The following POLL variants were observed in gnomAD, a reference collection of about 807,000 sequenced individuals.
The protein encoded by POLL is DNA polymerase beta-2.
POLL carries 44 observed loss-of-function variants against 58.1 expected under a neutral mutation model. That is an observed-to-expected ratio of 0.76 (90% CI 0.60 to 0.97). The LOEUF is 0.97. Ranked by LOEUF, POLL falls within the 50% of genes least tolerant of loss-of-function variation. The pLI, the probability that POLL is intolerant of heterozygous loss-of-function variation, is 0.00. For synonymous variants in POLL, 290 were observed against 283.2 expected (o/e 1.02, Z -0.24); for missense variants, 632 against 736.8 (o/e 0.86, Z 1.65).
rs1207812742 is a variant in POLL at position 101,587,949 on chromosome 10, C to A, written c.-174G>T. ...GCCGCAGCTGCGGGGAGATGGGGCA[C>A]GGCCGCAGCAGGTGTGGGGAGCCCT... On this transcript the variant is annotated 5_prime_UTR_variant, in exon 1 of 9. Coordinates refer to ENST00000370162, the MANE Select transcript of POLL (RefSeq NM_001174084.2). 4 of 1,248,418 alleles carry A rather than the reference C, an allele frequency of 3.2e-6. No individual in the cohort carries two copies. The highest frequency in any genetic ancestry group is 4.1e-6 in the Non-Finnish European group (4 of 968,906). The allele number at this position is 1,248,418 out of a possible 1,614,324, so 77.3% of individuals were successfully genotyped here.
chr10:101,588,179 G>A lies in POLL; in HGVS notation c.-404C>T, dbSNP rs551466862. The A allele has an allele frequency of 1.2e-5, 18 of 1,527,206 alleles. No homozygotes were observed. In the East Asian group the frequency reaches 4.2e-4, roughly 36 times the overall value. The allele number at this position is 1,527,206 out of a possible 1,614,324, so 94.6% of individuals were successfully genotyped here. On this transcript the variant is annotated 5_prime_UTR_variant, in exon 1 of 9. Transcript: ENST00000370162. ...ACTACTGGCCAAGCTAGTCACCCGGGGGTGGGCAGGAATAGACCACTTACC... is the reference window on the plus strand; with the variant it reads ...ACTACTGGCCAAGCTAGTCACCCGGAGGTGGGCAGGAATAGACCACTTACC...
Position 101,580,369 on chromosome 10 carries a change from T to C in POLL, c.1242A>G (p.Ala414=). The change falls in exon 8 of 9, where the codon GCA becomes GCG. Residue 414 remains alanine (A), a synonymous_variant. Transcript: ENST00000370162. The surrounding 1 kb of genome is among the most constrained non-coding windows in gnomAD (Gnocchi z 4.1). ...CCTTTCCCCGTCGGTATGAACCACATGCCACACACAGCAGCCCAGAGTTAA... is the reference window on the plus strand; with the variant it reads ...CCTTTCCCCGTCGGTATGAACCACACGCCACACACAGCAGCCCAGAGTTAA... ...QAFNSGLLCV[A]CGSYRRGKAT... 6.2e-7 allele frequency: 1 copy of C among 1,613,986 alleles called. No individual in the cohort carries two copies. Among genetic ancestry groups the C allele is most frequent in the Non-Finnish European group, 8.5e-7 (1 of 1,179,984 alleles).
rs1157899661 is a variant in POLL, at chr10:101,585,313, G to A, written c.573+3C>T. 1 of 1,549,568 alleles carries A rather than the reference G, an allele frequency of 6.5e-7. No homozygotes were observed. Among genetic ancestry groups the A allele is most frequent in the African/African-American group, 1.4e-5 (1 of 72,936 alleles). On this transcript the variant is annotated splice_donor_region_variant and intron_variant, in intron 4 of 8. Transcript: ENST00000370162. ...GAGTTCTGAGGGATGGGAGGCTCCT[G>A]ACCTGGGCTTGGGTGTTTGGTGCCT...
intron 6 of POLL, chr10:101,583,281 C>T: frequency 1.7e-6 from 1 of 599,390 alleles, no homozygotes; most frequent in Non-Finnish European, 3.0e-6. Context: ...GAGAAACATA[C>T]TTCTTGTCCC....
chr10:101,583,052 A>C (rs2063093389), intron 6 of POLL, 161 bp from the exon 7 acceptor site: 2 of 755,070 alleles, frequency 2.6e-6, no homozygotes, highest in Non-Finnish European at 4.7e-6. Context: ...GGACTTGGGA[A>C]AGGCAGGGAG....
At position 101,582,763 on chromosome 10, in the gene POLL, T is replaced by G; in HGVS notation, c.1194A>C (p.Thr398=). The change falls in exon 7 of 9, where the codon ACA becomes ACC. Residue 398 remains threonine, a splice_region_variant and synonymous_variant. Transcript: ENST00000370162. ...TCACTGCTCTGGGACACCTGCTTAC[T>G]GTCTGCTCAATCTCTGTAGCCTCCT... ...PREEATEIEQ[T]VQKAAQAFNS... 1 of 1,613,906 alleles carries G rather than the reference T, an allele frequency of 6.2e-7. No homozygotes were observed. The highest frequency in any genetic ancestry group is 8.5e-7 in the Non-Finnish European group (1 of 1,179,740).
Position 101,588,172 on chromosome 10 carries a change from C to A in POLL, c.-397G>T. ...GGGGTCGACTACTGGCCAAGCTAGT[C>A]ACCCGGGGGTGGGCAGGAATAGACC... On this transcript the variant is annotated 5_prime_UTR_variant, in exon 1 of 9. Coordinates refer to ENST00000370162, the MANE Select transcript of POLL (RefSeq NM_001174084.2). 6.6e-7 allele frequency: 1 copy of A among 1,524,464 alleles called. No individual in the cohort carries two copies. The highest frequency in any genetic ancestry group is 8.8e-7 in the Non-Finnish European group (1 of 1,137,830). 94.4% of individuals were successfully genotyped at this position (1,524,464 alleles called of 1,614,324 possible). A position where few individuals can be genotyped will look rare whatever the true frequency, so the allele number is the denominator to read the frequency against.
rs1589662801 is a variant in POLL at position 101,580,586 on chromosome 10, C to T, written c.1195-170G>A. ...CTGAGGAGCTGCTGTTCTTTCCCTT[C>T]GCTAGGACAGGAGAGAAGAAAAAGC... On this transcript the variant is annotated intron_variant, in intron 7 of 8. Coordinates refer to ENST00000370162, the MANE Select transcript of POLL (RefSeq NM_001174084.2). The surrounding 1 kb of genome is among the most constrained non-coding windows in gnomAD (Gnocchi z 4.1). The T allele has an allele frequency of 9.9e-6, 6 of 606,190 alleles. No homozygotes were observed. The highest frequency in any genetic ancestry group is 6.0e-5 in the Admixed American group (2 of 33,146). The allele number at this position is 606,190 out of a possible 1,614,324, so 37.6% of individuals were successfully genotyped here. A position where few individuals can be genotyped will look rare whatever the true frequency, so the allele number is the denominator to read the frequency against.
intron 5 of POLL, 26 bp from the exon 6 acceptor site, chr10:101,583,707 G>T (rs2063133892): frequency 6.2e-7 from 1 of 1,603,970 alleles, no homozygotes; most frequent in African/African-American, 1.3e-5. Context: ...GCAGAGGCAA[G>T]AAAGAAGAGT....
Position 101,579,265 on chromosome 10 carries a change from C to T in POLL, c.*188G>A. The T allele has an allele frequency of 1.5e-6, 1 of 647,228 alleles. No individual in the cohort carries two copies. The highest frequency in any genetic ancestry group is 2.6e-6 in the Non-Finnish European group (1 of 382,586). The allele number at this position is 647,228 out of a possible 1,614,324, so 40.1% of individuals were successfully genotyped here. ...TGTCTGGGAGAGGGCTGGGCAGACA[C>T]TGGGAGCCGGGCAGACACTGGGAGC... On this transcript the variant is annotated 3_prime_UTR_variant, in exon 9 of 9. Transcript: ENST00000370162. This position sits in a 1 kb window ranked among gnomAD's most constrained non-coding sequence, Gnocchi z 4.4.
rs2063125423 is a variant in POLL at position 101,583,590 on chromosome 10, A to G, written c.983T>C (p.Ile328Thr). Residue 328 changes from isoleucine to threonine, a missense_variant, in exon 6 of 9, where the codon ATC becomes ACC. Transcript: ENST00000370162. Reference sequence around the variant, plus strand: ...CTCCAAGACAGGCACGCTCTCACTGATATGGTCCAGCTTCCGCAAATGCCC... The same window carrying G: ...CTCCAAGACAGGCACGCTCTCACTGGTATGGTCCAGCTTCCGCAAATGCCC... ...ESGHLRKLDH[I>T]SESVPVLELF... 6.2e-7 allele frequency: 1 copy of G among 1,613,982 alleles called. No homozygotes were observed. Among genetic ancestry groups the G allele is most frequent in the Non-Finnish European group, 8.5e-7 (1 of 1,180,042 alleles).
chr10:101,587,378 C>G lies in POLL; in HGVS notation c.-18G>C. 1 of 1,613,888 alleles carries G rather than the reference C, an allele frequency of 6.2e-7. No individual in the cohort carries two copies. The highest frequency in any genetic ancestry group is 8.5e-7 in the Non-Finnish European group (1 of 1,179,938). On this transcript the variant is annotated 5_prime_UTR_variant, in exon 2 of 9. Transcript: ENST00000370162. ...GGATCCATTGAAGTATGGCTGGATC[C>G]CGGCCTATTGGAGCGTTGGTCAGGG... is the stretch of plus-strand genomic sequence containing the variant.
intron 3 of POLL, 125 bp downstream of exon 3, chr10:101,585,737 A>C: frequency 1.1e-6 from 1 of 898,874 alleles, no homozygotes; most frequent in Non-Finnish European, 1.7e-6. Context: ...TATAGCTGGG[A>C]CTACAGGCAC....
intron 1 of POLL, 154 bp downstream of exon 1, chr10:101,587,668 C>A: frequency 1.0e-6 from 1 of 970,396 alleles, no homozygotes; most frequent in Non-Finnish European, 1.4e-6. Context: ...CACCATTCCT[C>A]AGAGGGGTTG....
rs569669207 is a variant in POLL, at chr10:101,579,798, C to A, written c.1383G>T (p.Leu461Phe). ...GCTGACCATTCTCCTCTTGGCTCAC[C>A]AAGTCATCTGTGAGGAACCCTGGCC... is the stretch of plus-strand genomic sequence containing the variant. ...LRQEGFLTDD[L>F]VSQEENGQQQ... The change falls in exon 9 of 9, where the codon TTG (leucine) becomes TTT (phenylalanine). Residue 461 changes from leucine (L) to phenylalanine (F), a missense_variant. Coordinates refer to ENST00000370162, the MANE Select transcript of POLL (RefSeq NM_001174084.2). The surrounding 1 kb of genome is among the most constrained non-coding windows in gnomAD (Gnocchi z 4.4). 5 of 1,613,204 alleles carry A rather than the reference C, an allele frequency of 3.1e-6. No individual in the cohort carries two copies. In the East Asian group the frequency reaches 1.1e-4, roughly 36 times the overall value.
At chr10:101,586,186 T>A (rs202208553) in intron 2 of POLL, 30 bp from the exon 3 acceptor site, 98 of 851,240 alleles carry the variant, frequency 1.2e-4, no homozygotes, top group Admixed American at 1.0e-4. Flanking sequence ...ATGACTACTG[T>A]TGTAACTTTT....
Position 101,588,149 on chromosome 10 carries a change from G to A in POLL, c.-374C>T. The A allele has an allele frequency of 6.6e-7, 1 of 1,518,594 alleles. No individual in the cohort carries two copies. The highest frequency in any genetic ancestry group is 8.8e-7 in the Non-Finnish European group (1 of 1,135,024). 94.1% of individuals were successfully genotyped at this position (1,518,594 alleles called of 1,614,324 possible). Reference sequence around the variant, plus strand: ...ACCCCCAGAGTCGGTCCCCGGGTGGGGTCGACTACTGGCCAAGCTAGTCAC... The same window carrying A: ...ACCCCCAGAGTCGGTCCCCGGGTGGAGTCGACTACTGGCCAAGCTAGTCAC... On this transcript the variant is annotated 5_prime_UTR_variant, in exon 1 of 9. Coordinates refer to ENST00000370162, the MANE Select transcript of POLL (RefSeq NM_001174084.2).
At chr10:101,587,471 T>C in intron 1 of POLL, 65 bp from the exon 2 acceptor site, 1 of 1,494,078 alleles carries the variant, frequency 6.7e-7, no homozygotes, top group Admixed American at 1.9e-5. Context: ...GGGTCTTTCC[T>C]GACCAGGCTT....
Position 101,584,582 on chromosome 10 carries a change from C to T in POLL, c.891+20G>A. On this transcript the variant is annotated intron_variant, in intron 5 of 8. Coordinates refer to ENST00000370162, the MANE Select transcript of POLL (RefSeq NM_001174084.2). Reference sequence around the variant, plus strand: ...CACTGGCCAGTAAAGACCCCTCCTCCCACTCTAGCCCCTGGGTACCTGGTA... The same window carrying T: ...CACTGGCCAGTAAAGACCCCTCCTCTCACTCTAGCCCCTGGGTACCTGGTA... 1 of 1,512,524 alleles carries T rather than the reference C, an allele frequency of 6.6e-7. No individual in the cohort carries two copies. Among genetic ancestry groups the T allele is most frequent in the Non-Finnish European group, 8.9e-7 (1 of 1,127,708 alleles). The allele number at this position is 1,512,524 out of a possible 1,614,324, so 93.7% of individuals were successfully genotyped here.
Sources: gnomAD v4.1 joint callset for allele counts on GRCh38, gnomAD v4.1.1 for gene constraint, Gnocchi (gnomAD v3.1) non-coding constraint, MANE v1.5 for transcripts, NCBI Gene and HGNC (gene_info 2026-07-23, HGNC 2026-07-21) for gene names.